The following SLC16A12 variants were observed in gnomAD, a reference collection of about 807,000 sequenced individuals.
The protein encoded by SLC16A12 is monocarboxylate transporter 12.
A neutral mutation model predicts 42.4 loss-of-function variants in SLC16A12; 17 were observed. That is an observed-to-expected ratio of 0.40 (90% CI 0.27 to 0.60). The LOEUF (loss-of-function observed/expected upper bound fraction) is 0.60. SLC16A12 is among the 20% of genes least tolerant of loss of function. The probability of loss-of-function intolerance (pLI) is 0.42; values close to 1 mark genes in which losing one functional copy is unlikely to be tolerated. For synonymous variants in SLC16A12, 224 were observed against 229.4 expected (o/e 0.98, Z 0.21); for missense variants, 544 against 623.0 (o/e 0.87, Z 1.35).
At chr10:89,444,339 A>C (rs1841963578) in intron 3 of SLC16A12, among the ~76,000 whole-genome samples, 1 of 152,158 alleles carries the variant, frequency 6.6e-6, no homozygotes, top group African/African-American at 2.4e-5. Context: ...ATATATGTGT[A>C]TATAAAAGGA....
intron 2 of SLC16A12, among the ~76,000 whole-genome samples, chr10:89,530,045 C>T (rs1027090673): frequency 2.6e-5 from 4 of 152,180 alleles, no homozygotes; most frequent in African/African-American, 9.7e-5. Flanking sequence ...ATATTTTGAA[C>T]ATTTTGTTTC....
intron 2 of SLC16A12, among the ~76,000 whole-genome samples, chr10:89,472,695 G>A (rs889727833): frequency 3.3e-5 from 5 of 151,878 alleles, no homozygotes; most frequent in Admixed American, 6.6e-5. Context: ...ATTTCACTAT[G>A]TTGGCCAGGC....
upstream of SLC16A12, among the ~76,000 whole-genome samples, chr10:89,539,857 T>TTTTCTTTCTTCTTTC (rs1554833985): frequency 2.3e-5 from 3 of 127,858 alleles, no homozygotes; most frequent in African/African-American, 9.2e-5. Flanking sequence ...AGAAACAAAT[T>TTTTCTTTCTTCTTTC]TTTCTTTCTT....
At chr10:89,454,352 C>T (rs1842147867) in intron 3 of SLC16A12, among the ~76,000 whole-genome samples, 1 of 152,098 alleles carries the variant, frequency 6.6e-6, no homozygotes, top group Non-Finnish European at 1.5e-5. Context: ...AACCCCCTTA[C>T]CATTCATCAT....
chr10:89,484,960 A>G (rs1194734504), intron 2 of SLC16A12, among the ~76,000 whole-genome samples: 3 of 152,168 alleles, frequency 2.0e-5, no homozygotes, highest in Non-Finnish European at 4.4e-5. Flanking sequence ...GAACCAATCC[A>G]AAGACCGAAT....
At chr10:89,437,410 C>G (rs766683870) in intron 6 of SLC16A12, among the ~76,000 whole-genome samples, 13 of 152,166 alleles carry the variant, frequency 8.5e-5, no homozygotes, top group Non-Finnish European at 1.8e-4. Flanking sequence ...ATAAGGTCAA[C>G]AGGCAAATAT....
intron 2 of SLC16A12, among the ~76,000 whole-genome samples, chr10:89,502,016 A>C (rs896780637): frequency 6.6e-6 from 1 of 152,188 alleles, no homozygotes; most frequent in African/African-American, 2.4e-5. Context: ...AATTGAAGAC[A>C]ATTTGATCCT....
chr10:89,433,359 A>G (rs1841724415), intron 7 of SLC16A12, 33 bp from the exon 8 acceptor site: 2 of 1,609,462 alleles, frequency 1.2e-6, no homozygotes, highest in Non-Finnish European at 1.7e-6. Flanking sequence ...TTTATTTTTG[A>G]GTTGAAAATT....
intron 2 of SLC16A12, among the ~76,000 whole-genome samples, chr10:89,531,187 C>T (rs527437856): frequency 4.6e-5 from 7 of 151,484 alleles, no homozygotes; most frequent in African/African-American, 7.3e-5. Context: ...GTCAGGAGTT[C>T]GAGACCAGCC....
At chr10:89,515,855 T>C (rs752994236) in intron 2 of SLC16A12, among the ~76,000 whole-genome samples, 2 of 152,196 alleles carry the variant, frequency 1.3e-5, no homozygotes, top group Non-Finnish European at 2.9e-5. Flanking sequence ...TTTTTCACAA[T>C]GAGCTTTCAT....
intron 2 of SLC16A12, among the ~76,000 whole-genome samples, chr10:89,468,500 T>C (rs1159570042): frequency 1.3e-5 from 2 of 152,194 alleles, no homozygotes; most frequent in African/African-American, 2.4e-5. Context: ...AAAATTGTTA[T>C]TGGCGTTTCT....
At chr10:89,548,944 A>C (rs1173503676) in intron 2 of SLC16A12, among the ~76,000 whole-genome samples, 2 of 152,212 alleles carry the variant, frequency 1.3e-5, no homozygotes, top group African/African-American at 4.8e-5. Context: ...CTGTCTTTCA[A>C]GAGAGGAATG....
At chr10:89,533,322 C>T (rs905672308) in intron 2 of SLC16A12, among the ~76,000 whole-genome samples, 1 of 152,132 alleles carries the variant, frequency 6.6e-6, no homozygotes, top group South Asian at 2.1e-4. Context: ...GAATAAATTG[C>T]AACTTGAGCT....
chr10:89,535,016 C>T (rs966568865), intron 1 of SLC16A12, among the ~76,000 whole-genome samples: 6 of 152,124 alleles, frequency 3.9e-5, no homozygotes, highest in African/African-American at 1.4e-4. Flanking sequence ...GTTCAATCCA[C>T]TGAAAGCCGG....
At chr10:89,501,028 C>T (rs1266216584) in intron 2 of SLC16A12, among the ~76,000 whole-genome samples, 2 of 152,104 alleles carry the variant, frequency 1.3e-5, no homozygotes, top group East Asian at 3.8e-4. Context: ...ATCAAGAACT[C>T]AACCCCTTTT....
At chr10:89,467,857 T>C (rs907150422) in intron 2 of SLC16A12, among the ~76,000 whole-genome samples, 2 of 152,204 alleles carry the variant, frequency 1.3e-5, no homozygotes, top group Non-Finnish European at 2.9e-5. Flanking sequence ...ATAACTATCA[T>C]TTATTGATAT....
intron 2 of SLC16A12, among the ~76,000 whole-genome samples, chr10:89,499,670 T>A (rs536517164): frequency 6.6e-6 from 1 of 152,150 alleles, no homozygotes; most frequent in Non-Finnish European, 1.5e-5. Context: ...GGAAAGTTCA[T>A]AGCCCTAAAT....
intron 6 of SLC16A12, among the ~76,000 whole-genome samples, chr10:89,436,919 A>AAAGAAAAAGG: frequency 6.6e-6 from 1 of 151,954 alleles, no homozygotes; most frequent in Non-Finnish European, 1.5e-5. Context: ...AAAGAAAAAG[A>AAAGAAAAAGG]AAGAGTGCAT....
At chr10:89,462,352 A>G in intron 3 of SLC16A12, 27 bp downstream of exon 3, 3 of 1,613,848 alleles carry the variant, frequency 1.9e-6, no homozygotes, top group Non-Finnish European at 2.5e-6. Context: ...GGTCATCTTA[A>G]TAAGTTAAGA....
Sources: gnomAD v4.1 joint callset for allele counts (sites outside exome capture counted in the v4.1 genomes callset) on GRCh38, gnomAD v4.1.1 for gene constraint, MANE v1.5 for transcripts, NCBI Gene and HGNC (gene_info 2026-07-23, HGNC 2026-07-21) for gene names.